SEPTIN9: variants seen among roughly 807,000 people sequenced by gnomAD.
The protein encoded by SEPTIN9 is septin 9.
SEPTIN9 carries 13 observed loss-of-function variants against 56.6 expected under a neutral mutation model. That is an observed-to-expected ratio of 0.23 (90% CI 0.15 to 0.37). The LOEUF is 0.37. Among genes scored for constraint, SEPTIN9 ranks in the 10% least tolerant of loss-of-function variants. SEPTIN9 has a pLI of 1.00. For missense variants in SEPTIN9, 650 were observed against 823.1 expected, an observed-to-expected ratio of 0.79 and a Z score of 2.57; for synonymous variants, 332 against 334.1, an observed-to-expected ratio of 0.99 and a Z score of 0.07.
intron 3 of SEPTIN9, among the ~76,000 whole-genome samples, chr17:77,440,206 G>A (rs1227016652): frequency 6.6e-6 from 1 of 151,912 alleles, no homozygotes; most frequent in Non-Finnish European, 1.5e-5. Context: ...CTAGGCTGGA[G>A]TGCAGTAGCA....
In SEPTIN9 at chr17:77,327,890, C is replaced by T. The variant is rs1206982482; in HGVS notation, c.76+20693C>T. Among the ~76,000 whole-genome samples the T allele has an allele frequency of 2.0e-5, 3 of 152,212 alleles. No homozygotes were observed. The highest frequency in any genetic ancestry group is 4.4e-5 in the Non-Finnish European group (3 of 68,030). On this transcript the variant is annotated intron_variant, in intron 2 of 11. Coordinates refer to ENST00000427177, the MANE Select transcript of SEPTIN9 (RefSeq NM_001113491.2). This position sits in a 1 kb window ranked among gnomAD's most constrained non-coding sequence, Gnocchi z 5.0. The stretch of plus-strand genomic sequence containing the variant: ...GCTGGAACAGACGGGTGTGATGGGG[C>T]TGCGGGGTTTCAGGTGGCAGGAGGC...
At chr17:77,377,118 T>C (rs312827) in intron 2 of SEPTIN9, 105,244 of 152,074 alleles carry the variant, frequency 0.69, 36,555 homozygotes, top group African/African-American at 0.75. Flanking sequence ...GCTTCAAGGT[T>C]TTAGGGCTCT....
chr17:77,439,154 G>A (rs748632178), intron 3 of SEPTIN9, among the ~76,000 whole-genome samples: 6 of 152,170 alleles, frequency 3.9e-5, no homozygotes, highest in Non-Finnish European at 5.9e-5. Flanking sequence ...GAGTCATGCT[G>A]GAATATCAAG....
intron 3 of SEPTIN9, among the ~76,000 whole-genome samples, chr17:77,463,123 G>C (rs2038555113): frequency 6.6e-6 from 1 of 152,214 alleles, no homozygotes; most frequent in African/African-American, 2.4e-5. Context: ...GCTGGGTGTA[G>C]GGAGGGCACC....
At chr17:77,415,139 C>T (rs887458087) in intron 3 of SEPTIN9, among the ~76,000 whole-genome samples, 1 of 152,044 alleles carries the variant, frequency 6.6e-6, no homozygotes, top group Non-Finnish European at 1.5e-5. Flanking sequence ...CCCACTAGAT[C>T]GTTTTCTTGG....
chr17:77,481,583 G>A lies in SEPTIN9; in HGVS notation c.722-561G>A, dbSNP rs910011913. 3.3e-5 allele frequency among the ~76,000 whole-genome samples: 5 copies of A among 152,074 alleles called. 1 individual carries two copies. The highest frequency in any genetic ancestry group is 7.2e-5 in the African/African-American group (3 of 41,440). ...GACCATCCATGGGGATGTGGGAGGC[G>A]GGGACACACGCTGGTTCTATCCCCG... On this transcript the variant is annotated intron_variant, in intron 3 of 11. Coordinates refer to ENST00000427177, the MANE Select transcript of SEPTIN9 (RefSeq NM_001113491.2).
chr17:77,444,929 A>AGAG (rs2037679404), intron 3 of SEPTIN9: 4 of 365,216 alleles, frequency 1.1e-5, no homozygotes, highest in Non-Finnish European at 1.7e-5. Flanking sequence ...GGTCAAAGGA[A>AGAG]GAGGGTTTGC....
Position 77,450,640 on chromosome 17 carries a change from C to T in SEPTIN9, c.722-31504C>T. 2.0e-6 allele frequency: 2 copies of T among 985,918 alleles called. No individual in the cohort carries two copies. Among genetic ancestry groups the T allele is most frequent in the Non-Finnish European group, 2.4e-6 (2 of 830,346 alleles). 61.1% of individuals were successfully genotyped at this position (985,918 alleles called of 1,614,324 possible). A position where few individuals can be genotyped will look rare whatever the true frequency, so the allele number is the denominator to read the frequency against. On this transcript the variant is annotated intron_variant, in intron 3 of 11. Coordinates refer to ENST00000427177, the MANE Select transcript of SEPTIN9 (RefSeq NM_001113491.2). This position sits in a 1 kb window ranked among gnomAD's most constrained non-coding sequence, Gnocchi z 6.0. Reference sequence around the variant, plus strand: ...TCTGGGGACCCCCTTGCTTGTGCCCCTCTGGGTCCCAGCACATCCCAGGCC... The same window carrying T: ...TCTGGGGACCCCCTTGCTTGTGCCCTTCTGGGTCCCAGCACATCCCAGGCC...
At chr17:77,459,201 A>C (rs2038349850) in intron 3 of SEPTIN9, among the ~76,000 whole-genome samples, 1 of 152,166 alleles carries the variant, frequency 6.6e-6, no homozygotes, top group African/African-American at 2.4e-5. Flanking sequence ...CACTTGCCTA[A>C]AGTCCCTTAG....
intron 1 of SEPTIN9, among the ~76,000 whole-genome samples, chr17:77,301,817 G>T (rs1196043500): frequency 6.6e-6 from 1 of 152,198 alleles, no homozygotes. Context: ...TCCTTTTTGA[G>T]AAAATGTGAC....
At chr17:77,458,974 C>G (rs2038338743) in intron 3 of SEPTIN9, among the ~76,000 whole-genome samples, 3 of 152,138 alleles carry the variant, frequency 2.0e-5, no homozygotes, top group Admixed American at 2.0e-4. Flanking sequence ...GGAAGTGGAG[C>G]CTGGAAAGGT....
At chr17:77,362,266 TG>T (rs1456591391) in intron 2 of SEPTIN9, among the ~76,000 whole-genome samples, 1 of 152,188 alleles carries the variant, frequency 6.6e-6, no homozygotes, top group African/African-American at 2.4e-5. Flanking sequence ...TGTGGCCACA[TG>T]GATGGGACAA....
intron 1 of SEPTIN9, chr17:77,288,098 C>T (rs550368892): frequency 6.9e-4 from 735 of 1,063,796 alleles, no homozygotes; most frequent in Non-Finnish European, 8.0e-4. Flanking sequence ...CCCTTTGGAG[C>T]GCTGGACTCT....
rs1364192035 is a variant in SEPTIN9 at position 77,437,994 on chromosome 17, A to C, written c.721+35291A>C. ...CATCATCCGGGCCTCTCCGGTGGCC[A>C]TGCATGGGTGAGCAGCCCACGACAC... On this transcript the variant is annotated intron_variant, in intron 3 of 11. Transcript: ENST00000427177. This position sits in a 1 kb window ranked among gnomAD's most constrained non-coding sequence, Gnocchi z 5.3. 6.6e-6 allele frequency among the ~76,000 whole-genome samples: 1 copy of C among 152,204 alleles called. No individual in the cohort carries two copies. Among genetic ancestry groups the C allele is most frequent in the Non-Finnish European group, 1.5e-5 (1 of 68,024 alleles).
intron 11 of SEPTIN9, chr17:77,497,584 C>T (rs78498304): frequency 7.7e-4 from 470 of 608,554 alleles, no homozygotes; most frequent in African/African-American, 6.8e-3. Context: ...TCAACCCCTG[C>T]GAAGTTGGCT....
At position 77,499,643 on chromosome 17, in the gene SEPTIN9, A is replaced by AGT. The variant is rs953197486; in HGVS notation, c.*996_*997dup. ...CCTGCCCTGCCCAAGTGACCAGGGAAGTGTGTGTGTGTCCATGTGTATGCG... is the reference window on the plus strand; with the variant it reads ...CCTGCCCTGCCCAAGTGACCAGGGAAGTGTGTGTGTGTGTCCATGTGTATGCG... On this transcript the variant is annotated 3_prime_UTR_variant, in exon 12 of 12. Transcript: ENST00000427177. The AGT allele has an allele frequency of 6.2e-5, 27 of 433,810 alleles. No individual in the cohort carries two copies. Among genetic ancestry groups the AGT allele is most frequent in the African/African-American group, 4.0e-4 (20 of 50,546 alleles). 26.9% of individuals were successfully genotyped at this position (433,810 alleles called of 1,614,324 possible).
chr17:77,312,769 G>A (rs373455206), intron 2 of SEPTIN9, among the ~76,000 whole-genome samples: 2 of 152,260 alleles, frequency 1.3e-5, no homozygotes, highest in African/African-American at 4.8e-5. Context: ...AATTGATGGC[G>A]AATGCAATGT....
chr17:77,291,062 G>T (rs2031527279), intron 1 of SEPTIN9, among the ~76,000 whole-genome samples: 1 of 130,568 alleles, frequency 7.7e-6, no homozygotes, highest in African/African-American at 2.9e-5. Flanking sequence ...TTGAGACAGA[G>T]TCTTACTCTG....
intron 3 of SEPTIN9, chr17:77,466,703 CA>C (rs201649814): frequency 0.01 from 3,919 of 375,558 alleles, 37 homozygotes; most frequent in Non-Finnish European, 0.013. Flanking sequence ...AACCAGCTAA[CA>C]TCACAGCGTT....
Sources: gnomAD v4.1 joint callset for allele counts (sites outside exome capture counted in the v4.1 genomes callset) on GRCh38, gnomAD v4.1.1 for gene constraint, Gnocchi (gnomAD v3.1) non-coding constraint, MANE v1.5 for transcripts, NCBI Gene and HGNC (gene_info 2026-07-23, HGNC 2026-07-21) for gene names.